EEPD1: variants seen among roughly 807,000 people sequenced by gnomAD.
The protein encoded by EEPD1 is endonuclease/exonuclease/phosphatase family domain-containing protein 1.
EEPD1 carries 17 observed loss-of-function variants against 46.3 expected under a neutral mutation model. The ratio of observed to expected loss-of-function variants is 0.37; its 90% CI spans 0.25 to 0.55. EEPD1 has a LOEUF of 0.55. Among genes scored for constraint, EEPD1 ranks in the 20% least tolerant of loss-of-function variants. The probability of loss-of-function intolerance (pLI) is 0.83; values close to 1 mark genes in which losing one functional copy is unlikely to be tolerated. For missense variants in EEPD1, 673 were observed against 745.6 expected (o/e 0.90, Z 1.13); for synonymous variants, 313 against 315.6 (o/e 0.99, Z 0.09).
At chr7:36,249,975 T>C (rs1391907103) in intron 3 of EEPD1, among the ~76,000 whole-genome samples, 1 of 152,118 alleles carries the variant, frequency 6.6e-6, no homozygotes, top group Non-Finnish European at 1.5e-5. Context: ...TCCCAACACT[T>C]TGGGAGGCTG....
chr7:36,275,553 T>C (rs969921054), intron 3 of EEPD1, among the ~76,000 whole-genome samples: 3 of 152,012 alleles, frequency 2.0e-5, no homozygotes, highest in Non-Finnish European at 2.9e-5. Flanking sequence ...TTCAAGCGAG[T>C]CTCCTGCCTC....
intron 3 of EEPD1, among the ~76,000 whole-genome samples, chr7:36,240,024 C>G (rs749372491): frequency 6.6e-6 from 1 of 152,188 alleles, no homozygotes; most frequent in Non-Finnish European, 1.5e-5. Context: ...CCTGTAGTCC[C>G]AGCACTTTGG....
chr7:36,290,845 G>T (rs1787418209), intron 6 of EEPD1, among the ~76,000 whole-genome samples: 1 of 152,192 alleles, frequency 6.6e-6, no homozygotes, highest in Non-Finnish European at 1.5e-5. Context: ...TCACTGCTGG[G>T]AATCAAGGGA....
chr7:36,292,947 G>A (rs1470925404), intron 6 of EEPD1, among the ~76,000 whole-genome samples: 1 of 151,660 alleles, frequency 6.6e-6, no homozygotes, highest in Non-Finnish European at 1.5e-5. Flanking sequence ...AAGTGTCACT[G>A]TTTTCAGAGA....
At chr7:36,165,512 C>T (rs1280234497) in intron 2 of EEPD1, among the ~76,000 whole-genome samples, 1 of 147,252 alleles carries the variant, frequency 6.8e-6, no homozygotes, top group Non-Finnish European at 1.5e-5. Context: ...CTCTGCCTCC[C>T]GGGTTCAAGC....
chr7:36,198,415 CAAAA>C (rs70977116), intron 2 of EEPD1, among the ~76,000 whole-genome samples: 7 of 93,646 alleles, frequency 7.5e-5, no homozygotes, highest in African/African-American at 1.6e-4. Context: ...TTTAATAAAC[CAAAA>C]AAAAAAAAAA....
At chr7:36,250,188 C>T (rs1484905325) in intron 3 of EEPD1, among the ~76,000 whole-genome samples, 1 of 152,182 alleles carries the variant, frequency 6.6e-6, no homozygotes, top group Non-Finnish European at 1.5e-5. Context: ...CACCACTGCA[C>T]TCCAGTCTGG....
In EEPD1 at chr7:36,157,519, A is replaced by T. The variant is rs572276677; in HGVS notation, c.878+2317A>T. ...AGAGAGATGATGATTTGCTGAAGAC[A>T]TTGAACTACTGTCGTCAGGCAAGAG... On this transcript the variant is annotated intron_variant, in intron 2 of 7. Transcript: ENST00000242108. 2.0e-5 allele frequency among the ~76,000 whole-genome samples: 3 copies of T among 152,324 alleles called. No homozygotes were observed. The South Asian group carries it at 6.2e-4, about 32-fold the overall frequency.
At chr7:36,263,783 C>T (rs1451235072) in intron 3 of EEPD1, among the ~76,000 whole-genome samples, 1 of 152,158 alleles carries the variant, frequency 6.6e-6, no homozygotes, top group African/African-American at 2.4e-5. Flanking sequence ...GTCTTCCTTC[C>T]CTCCATCCAC....
At chr7:36,236,931 G>A (rs1056942771) in intron 2 of EEPD1, among the ~76,000 whole-genome samples, 1 of 152,174 alleles carries the variant, frequency 6.6e-6, no homozygotes, top group Admixed American at 6.5e-5. Flanking sequence ...GGGGCAACCC[G>A]CTCGCCTACC....
At chr7:36,232,883 G>T (rs1369220393) in intron 2 of EEPD1, among the ~76,000 whole-genome samples, 2 of 152,096 alleles carry the variant, frequency 1.3e-5, no homozygotes, top group African/African-American at 4.8e-5. Context: ...GCCTGAAATT[G>T]TTGGTTTTCA....
intron 3 of EEPD1, among the ~76,000 whole-genome samples, chr7:36,248,462 C>T (rs552842835): frequency 4.6e-5 from 7 of 151,474 alleles, no homozygotes; most frequent in African/African-American, 1.2e-4. Context: ...CCACCTCGGC[C>T]TCCCAAAGTG....
intron 2 of EEPD1, among the ~76,000 whole-genome samples, chr7:36,207,886 G>C (rs1227908419): frequency 1.5e-5 from 2 of 132,460 alleles, no homozygotes; most frequent in Non-Finnish European, 3.1e-5. Flanking sequence ...CTCAGTGCAG[G>C]AGTTTTTTTT....
At chr7:36,298,141 A>G (rs1456034656) in intron 7 of EEPD1, among the ~76,000 whole-genome samples, 3 of 152,226 alleles carry the variant, frequency 2.0e-5, no homozygotes. Context: ...CTCAGGGAGA[A>G]TGACAATTGT....
intron 2 of EEPD1, among the ~76,000 whole-genome samples, chr7:36,189,541 T>C (rs1396465150): frequency 6.6e-6 from 1 of 152,238 alleles, no homozygotes; most frequent in Non-Finnish European, 1.5e-5. Context: ...TTTTGTTGAA[T>C]ACCAGAATCT....
chr7:36,298,967 C>G (rs776968114), intron 7 of EEPD1, 40 bp from the exon 8 acceptor site: 1 of 1,603,618 alleles, frequency 6.2e-7, no homozygotes, highest in Non-Finnish European at 8.5e-7. Context: ...ACCCAACCCC[C>G]CATCCTGATT....
chr7:36,236,747 C>T (rs1261717733), intron 2 of EEPD1, among the ~76,000 whole-genome samples: 1 of 152,128 alleles, frequency 6.6e-6, no homozygotes, highest in Non-Finnish European at 1.5e-5. Flanking sequence ...GTAAACACAC[C>T]AATCAGCACT....
At position 36,218,213 on chromosome 7, in the gene EEPD1, T is replaced by C. The variant is rs1786066592; in HGVS notation, c.879-20772T>C. 1.3e-5 allele frequency among the ~76,000 whole-genome samples: 2 copies of C among 152,146 alleles called. 1 individual carries two copies. Among genetic ancestry groups the C allele is most frequent in the South Asian group, 4.1e-4 (2 of 4,822 alleles). On this transcript the variant is annotated intron_variant, in intron 2 of 7. Coordinates refer to ENST00000242108, the MANE Select transcript of EEPD1 (RefSeq NM_030636.3). ...GGCTCATTTATACTGAATACAGTAG[T>C]CCCCCTTGTCCTCGGAGGTTATCTT...
chr7:36,217,353 G>A (rs1194043979), intron 2 of EEPD1, among the ~76,000 whole-genome samples: 1 of 152,258 alleles, frequency 6.6e-6, no homozygotes, highest in African/African-American at 2.4e-5. Context: ...GCACTGGCGA[G>A]AGTGTCTTTT....
Sources: gnomAD v4.1 joint callset for allele counts (sites outside exome capture counted in the v4.1 genomes callset) on GRCh38, gnomAD v4.1.1 for gene constraint, MANE v1.5 for transcripts, NCBI Gene and HGNC (gene_info 2026-07-23, HGNC 2026-07-21) for gene names.